KIAA1217: variants seen among roughly 807,000 people sequenced by gnomAD.
KIAA1217 encodes KIAA1217, also known as sickle tail protein homolog.
KIAA1217 carries 88 observed loss-of-function variants against 163.9 expected under a neutral mutation model. The observed-to-expected ratio is 0.54, with a 90% CI of 0.45 to 0.64. The LOEUF is 0.64. KIAA1217 is among the 30% of genes least tolerant of loss of function. The probability of loss-of-function intolerance (pLI) is 0.00; values close to 1 mark genes in which losing one functional copy is unlikely to be tolerated. For synonymous variants in KIAA1217, 903 were observed against 923.1 expected (o/e 0.98, Z 0.39); for missense variants, 2,372 against 2,475.0 (o/e 0.96, Z 0.88).
At position 24,501,235 on chromosome 10, in the gene KIAA1217, CTG is replaced by C; in HGVS notation, c.1835-139_1835-138del. On this transcript the variant is annotated intron_variant, in intron 8 of 20. Transcript: ENST00000376454. ...TCATTGCACACTGCATACCATAACA[CTG>C]TGTGATTCATATATATGCATATTTT... is the stretch of plus-strand genomic sequence containing the variant. The C allele has an allele frequency of 5.8e-6, 4 of 685,182 alleles. No homozygotes were observed. The East Asian group carries it at 8.2e-5, about 14-fold the overall frequency. 42.4% of individuals were successfully genotyped at this position (685,182 alleles called of 1,614,324 possible). A position where few individuals can be genotyped will look rare whatever the true frequency, so the allele number is the denominator to read the frequency against.
At chr10:24,341,755 C>CT (rs2047128697) in intron 2 of KIAA1217, among the ~76,000 whole-genome samples, 1 of 152,104 alleles carries the variant, frequency 6.6e-6, no homozygotes, top group Admixed American at 6.5e-5. Flanking sequence ...CAACTGCTAA[C>CT]TAATAGCCTT....
intron 19 of KIAA1217, 24 bp from the exon 20 acceptor site, chr10:24,544,957 C>A (rs2075561639): frequency 6.2e-7 from 1 of 1,609,604 alleles, no homozygotes; most frequent in African/African-American, 1.3e-5. Context: ...CTTCTCTTCC[C>A]CCTCTCACTG....
chr10:23,937,419 A>G (rs994722391), intron 1 of KIAA1217, among the ~76,000 whole-genome samples: 5 of 152,022 alleles, frequency 3.3e-5, no homozygotes, highest in Non-Finnish European at 5.9e-5. Context: ...CAAGGCTCCA[A>G]ATTCCCTGTG....
At chr10:23,783,781 C>T (rs1313587717) in intron 1 of KIAA1217, among the ~76,000 whole-genome samples, 2 of 151,906 alleles carry the variant, frequency 1.3e-5, no homozygotes, top group Non-Finnish European at 2.9e-5. Context: ...CTTCCTGATT[C>T]AATCCTAGTA....
chr10:24,215,727 C>T (rs963956245), intron 1 of KIAA1217, among the ~76,000 whole-genome samples: 1 of 152,134 alleles, frequency 6.6e-6, no homozygotes, highest in Non-Finnish European at 1.5e-5. Context: ...TGAGCCTTGT[C>T]GAGGAAAAGG....
In KIAA1217 at chr10:23,891,688, C is replaced by A. The variant is rs544062694; in HGVS notation, c.-320-115537C>A. On this transcript the variant is annotated intron_variant, in intron 1 of 18. Coordinates refer to the KIAA1217 transcript ENST00000376462. ...CTGCTTAGAAATTATTGATTTTTTT[C>A]TCCCTAACAACCTAGTGTTAATTTT... Among the ~76,000 whole-genome samples, 104 of 152,036 alleles carry A rather than the reference C, an allele frequency of 6.8e-4. 1 individual carries two copies. The highest frequency in any genetic ancestry group is 1.6e-3 in the African/African-American group (68 of 41,522).
intron 1 of KIAA1217, among the ~76,000 whole-genome samples, chr10:23,818,264 A>G (rs1837442900): frequency 7.0e-6 from 1 of 143,246 alleles, no homozygotes; most frequent in Admixed American, 7.2e-5. Context: ...TTTTATATGT[A>G]ATATATAATA....
chr10:23,980,570 C>T (rs907486575), intron 1 of KIAA1217, among the ~76,000 whole-genome samples: 4 of 151,916 alleles, frequency 2.6e-5, no homozygotes, highest in East Asian at 1.9e-4. Context: ...TATGTTGAGC[C>T]GGGTGGATGA....
intron 1 of KIAA1217, among the ~76,000 whole-genome samples, chr10:23,790,537 ACATGTG>A (rs1372658747): frequency 2.2e-5 from 2 of 90,026 alleles, no homozygotes; most frequent in East Asian, 2.5e-4. Context: ...ATATACATAT[ACATGTG>A]CATATATACA....
At chr10:24,471,705 A>C (rs935124726) in intron 5 of KIAA1217, among the ~76,000 whole-genome samples, 1 of 152,024 alleles carries the variant, frequency 6.6e-6, no homozygotes, top group Non-Finnish European at 1.5e-5. Flanking sequence ...CAACATGGAG[A>C]AACCCCGTCT....
At chr10:24,540,420 G>T (rs1182406942) in intron 17 of KIAA1217, among the ~76,000 whole-genome samples, 2 of 152,030 alleles carry the variant, frequency 1.3e-5, no homozygotes, top group African/African-American at 2.4e-5. Context: ...TTTTAGTAGA[G>T]ACAGGGTTTC....
chr10:23,833,827 T>C (rs1268335284), intron 1 of KIAA1217, among the ~76,000 whole-genome samples: 1 of 152,036 alleles, frequency 6.6e-6, no homozygotes, highest in African/African-American at 2.4e-5. Flanking sequence ...AACCTCTCAG[T>C]CTGTGCCCTT....
At chr10:23,943,893 T>C (rs1305075694) in intron 1 of KIAA1217, among the ~76,000 whole-genome samples, 1 of 152,218 alleles carries the variant, frequency 6.6e-6, no homozygotes, top group Non-Finnish European at 1.5e-5. Flanking sequence ...AATGAAAAAC[T>C]AAACTTTTCC....
At chr10:24,365,407 C>A (rs2050644134) in intron 2 of KIAA1217, among the ~76,000 whole-genome samples, 1 of 151,684 alleles carries the variant, frequency 6.6e-6, no homozygotes, top group African/African-American at 2.4e-5. Flanking sequence ...TTTTGTCCCC[C>A]TTTTCCCTGT....
intron 2 of KIAA1217, among the ~76,000 whole-genome samples, chr10:24,224,927 C>T (rs904225731): frequency 1.3e-5 from 2 of 148,930 alleles, no homozygotes; most frequent in African/African-American, 2.5e-5. Context: ...CCCAGGTTCA[C>T]GCCATTCTCC....
intron 2 of KIAA1217, among the ~76,000 whole-genome samples, chr10:24,318,191 G>T (rs1403975828): frequency 1.3e-5 from 2 of 152,126 alleles, no homozygotes; most frequent in African/African-American, 4.8e-5. Flanking sequence ...AGAGAGGTAG[G>T]TAGGTAGGTA....
intron 1 of KIAA1217, among the ~76,000 whole-genome samples, chr10:23,795,651 A>G (rs1836164650): frequency 6.6e-6 from 1 of 152,176 alleles, no homozygotes; most frequent in Non-Finnish European, 1.5e-5. Flanking sequence ...TCTTTGCTAA[A>G]AACTTGGGGT....
At chr10:24,333,057 T>C (rs1482147355) in intron 2 of KIAA1217, among the ~76,000 whole-genome samples, 1 of 152,156 alleles carries the variant, frequency 6.6e-6, no homozygotes, top group East Asian at 1.9e-4. Flanking sequence ...AGTCTTGCTC[T>C]GTCACCCAGG....
chr10:24,172,866 G>T (rs1564787266), intron 2 of KIAA1217, among the ~76,000 whole-genome samples: 1 of 152,168 alleles, frequency 6.6e-6, no homozygotes, highest in Non-Finnish European at 1.5e-5. Flanking sequence ...TTGACTGTCT[G>T]GCTCATTCCT....
Sources: allele counts gnomAD v4.1 joint callset (sites outside exome capture counted in the v4.1 genomes callset), GRCh38; gene constraint gnomAD v4.1.1; transcripts MANE v1.5; gene names NCBI Gene and HGNC (gene_info 2026-07-23, HGNC 2026-07-21).